Variants in PGM2L1 observed in about 807,000 individuals in gnomAD.
The protein encoded by PGM2L1 is glucose 1,6-bisphosphate synthase.
Under a neutral mutation model 73.4 loss-of-function variants are expected in PGM2L1, and 35 were observed. The observed-to-expected ratio is 0.48, with a 90% confidence interval of 0.36 to 0.63. The LOEUF (loss-of-function observed/expected upper bound fraction) is 0.63, where lower values mean the gene tolerates loss of function less well. PGM2L1 is among the 30% of genes least tolerant of loss of function. The probability of loss-of-function intolerance (pLI) is 0.00; values close to 1 mark genes in which losing one functional copy is unlikely to be tolerated. For missense variants in PGM2L1, 570 were observed against 742.0 expected, an observed-to-expected ratio of 0.77 and a Z score of 2.69; for synonymous variants, 225 against 253.8, an observed-to-expected ratio of 0.89 and a Z score of 1.08.
At position 74,343,387 on chromosome 11, in the gene PGM2L1, T is replaced by C; in HGVS notation, c.1248A>G (p.Gly416=). Residue 416 remains glycine (G), a synonymous_variant, in exon 10 of 14, where the codon GGA becomes GGG. Coordinates refer to ENST00000298198, the MANE Select transcript of PGM2L1 (RefSeq NM_173582.6). ...EETLPGFKWI[G]SRIIDLLENG... is the part of the protein sequence containing the mutation. ...TTTCCAGGAGGTCTATTATCCTACTTCCAATCCATTTAAAACCTGGTAATG... is the reference window on the plus strand; with the variant it reads ...TTTCCAGGAGGTCTATTATCCTACTCCCAATCCATTTAAAACCTGGTAATG... 6.2e-7 allele frequency: 1 copy of C among 1,609,322 alleles called. No individual in the cohort carries two copies. Among genetic ancestry groups the C allele is most frequent in the Non-Finnish European group, 8.5e-7 (1 of 1,178,792 alleles).
chr11:74,331,055 A>G lies in PGM2L1; in HGVS notation c.*5597T>C, dbSNP rs1265819038. ...CCTAGTATCAGCAATTAAACACTCTATAACAGGTACTGAACTAGGTGGTAT... is the reference window on the plus strand; with the variant it reads ...CCTAGTATCAGCAATTAAACACTCTGTAACAGGTACTGAACTAGGTGGTAT... On this transcript the variant is annotated 3_prime_UTR_variant, in exon 14 of 14. Transcript: ENST00000298198. 3 of 152,330 alleles carry G rather than the reference A, an allele frequency of 2.0e-5. No individual in the cohort carries two copies. Among genetic ancestry groups the G allele is most frequent in the South Asian group, 2.1e-4 (1 of 4,826 alleles). 9.4% of individuals were successfully genotyped at this position (152,330 alleles called of 1,614,324 possible).
intron 5 of PGM2L1, among the ~76,000 whole-genome samples, chr11:74,365,096 C>G (rs1458148852): frequency 6.7e-6 from 1 of 149,812 alleles, no homozygotes; most frequent in Non-Finnish European, 1.5e-5. Context: ...ACAAACCTGA[C>G]AAAAACAAGA....
chr11:74,338,407 G>T, intron 13 of PGM2L1, 61 bp downstream of exon 13: 1 of 1,406,586 alleles, frequency 7.1e-7, no homozygotes. Context: ...GAGCTGTATG[G>T]TATGTGAATT....
At chr11:74,391,239 C>CT (rs574877564) in intron 1 of PGM2L1, among the ~76,000 whole-genome samples, 48 of 143,286 alleles carry the variant, frequency 3.3e-4, no homozygotes, top group East Asian at 6.0e-4. Flanking sequence ...CTTTTCTGTT[C>CT]TTTTTTTTTT....
At chr11:74,388,216 A>G (rs1283890371) in intron 1 of PGM2L1, among the ~76,000 whole-genome samples, 1 of 152,236 alleles carries the variant, frequency 6.6e-6, no homozygotes, top group Admixed American at 6.5e-5. Context: ...AGATGAATTC[A>G]TTATAGAGAT....
intron 8 of PGM2L1, among the ~76,000 whole-genome samples, chr11:74,346,226 T>A (rs774291599): frequency 8.2e-6 from 1 of 121,704 alleles, no homozygotes; most frequent in Non-Finnish European, 1.6e-5. Context: ...ATAGCACCAT[T>A]GCACTCCACT....
At chr11:74,360,135 C>G (rs1455821090) in intron 5 of PGM2L1, among the ~76,000 whole-genome samples, 1 of 152,008 alleles carries the variant, frequency 6.6e-6, no homozygotes, top group Non-Finnish European at 1.5e-5. Flanking sequence ...GAGACTGAGG[C>G]AGGAGGATTG....
intron 12 of PGM2L1, among the ~76,000 whole-genome samples, chr11:74,340,225 CTTG>C (rs1233684404): frequency 6.6e-6 from 1 of 152,136 alleles, no homozygotes; most frequent in Admixed American, 6.5e-5. Context: ...ACCTTACAAA[CTTG>C]TTGTAAGAAC....
At chr11:74,355,145 T>G in intron 5 of PGM2L1, 3 of 1,369,818 alleles carry the variant, frequency 2.2e-6, no homozygotes, top group Non-Finnish European at 3.1e-6. Flanking sequence ...GCAGCCATGG[T>G]GGTGGTGGAT....
rs1044619407 is a variant in PGM2L1, at chr11:74,388,337, A to T, written c.111+9714T>A. Among the ~76,000 whole-genome samples, 18 of 1,342 alleles carry T rather than the reference A, an allele frequency of 0.013. No individual in the cohort carries two copies. In the African/African-American group the frequency reaches 0.3, roughly 23 times the overall value. The allele number at this position is 1,342 out of a possible 152,430, so 0.9% of individuals were successfully genotyped here. A position where few individuals can be genotyped will look rare whatever the true frequency, so the allele number is the denominator to read the frequency against. On this transcript the variant is annotated intron_variant, in intron 1 of 13. Coordinates refer to ENST00000298198, the MANE Select transcript of PGM2L1 (RefSeq NM_173582.6). Reference sequence around the variant, plus strand: ...TTCTTAATATGATAAAATAAAATTAAAAAAAATATAAACCTATACACCTAT... The same window carrying T: ...TTCTTAATATGATAAAATAAAATTATAAAAAATATAAACCTATACACCTAT...
intron 5 of PGM2L1, among the ~76,000 whole-genome samples, chr11:74,361,165 C>T (rs912255594): frequency 1.3e-5 from 2 of 152,148 alleles, no homozygotes; most frequent in East Asian, 3.9e-4. Flanking sequence ...GGCAGACTGA[C>T]ACCTCACACG....
At chr11:74,362,713 T>C (rs966399847) in intron 5 of PGM2L1, among the ~76,000 whole-genome samples, 1 of 151,514 alleles carries the variant, frequency 6.6e-6, no homozygotes, top group Non-Finnish European at 1.5e-5. Flanking sequence ...ACCAAGCAAA[T>C]GGAAAACAAA....
chr11:74,370,669 C>T (rs1385184861), intron 4 of PGM2L1, among the ~76,000 whole-genome samples: 2 of 152,200 alleles, frequency 1.3e-5, no homozygotes, highest in African/African-American at 4.8e-5. Context: ...AAGATGTTAA[C>T]ATATTTCACT....
intron 1 of PGM2L1, among the ~76,000 whole-genome samples, chr11:74,392,711 T>C (rs1387221980): frequency 1.3e-5 from 2 of 152,058 alleles, no homozygotes; most frequent in Non-Finnish European, 2.9e-5. Flanking sequence ...CCGGCTAATT[T>C]TTTGTATTTT....
intron 5 of PGM2L1, among the ~76,000 whole-genome samples, chr11:74,366,393 A>C (rs1009519768): frequency 3.3e-5 from 5 of 150,432 alleles, no homozygotes; most frequent in Admixed American, 2.7e-4. Flanking sequence ...TGAGTTCAGG[A>C]GTTTGAGGCT....
In PGM2L1 at chr11:74,398,098, C is replaced by T. The variant is rs1164633398; in HGVS notation, c.64G>A (p.Asp22Asn). 1.2e-6 allele frequency: 2 copies of T among 1,612,742 alleles called. No homozygotes were observed. The highest frequency in any genetic ancestry group is 1.1e-5 in the South Asian group (1 of 90,926). The change falls in exon 1 of 14, where the codon GAC (aspartate) becomes AAC (asparagine). Residue 22 changes from aspartate to asparagine, a missense_variant. Asp to Asn is a conservative substitution (Grantham distance 23). Transcript: ENST00000298198. ...NLLHAPYHTGDPQLDTAIGQW... is the reference protein window; with the variant it reads ...NLLHAPYHTGNPQLDTAIGQW... ...CCGATGGCCGTGTCCAGCTGAGGGT[C>T]CCCGGTGTGGTAGGGGGCGTGGAGC...
At chr11:74,377,958 A>G (rs1419949567) in intron 1 of PGM2L1, among the ~76,000 whole-genome samples, 1 of 152,008 alleles carries the variant, frequency 6.6e-6, no homozygotes, top group Non-Finnish European at 1.5e-5. Flanking sequence ...AAAAAAAAAA[A>G]AGAGGAGGAA....
chr11:74,396,569 C>A (rs939972015), intron 1 of PGM2L1, among the ~76,000 whole-genome samples: 2 of 152,142 alleles, frequency 1.3e-5, no homozygotes, highest in Non-Finnish European at 2.9e-5. Flanking sequence ...CGCCCGCCAC[C>A]GCGCCCGGCT....
chr11:74,382,483 TA>T (rs1272686536), intron 1 of PGM2L1, among the ~76,000 whole-genome samples: 2 of 152,148 alleles, frequency 1.3e-5, no homozygotes, highest in African/African-American at 4.8e-5. Context: ...CACTGCACTG[TA>T]TTTACTATTT....
Sources: gnomAD v4.1 joint callset for allele counts (sites outside exome capture counted in the v4.1 genomes callset) on GRCh38, gnomAD v4.1.1 for gene constraint, MANE v1.5 for transcripts, NCBI Gene and HGNC (gene_info 2026-07-23, HGNC 2026-07-21) for gene names.